Variants in ZNF804A observed in about 807,000 individuals in gnomAD.
The protein encoded by ZNF804A is zinc finger protein 804A.
In ZNF804A, 2 loss-of-function variants were observed where a neutral mutation model predicts 16.5. The ratio of observed to expected loss-of-function variants is 0.12; its 90% CI spans 0.05 to 0.38. ZNF804A has a LOEUF of 0.38. Ranked by LOEUF, ZNF804A falls within the 10% of genes least tolerant of loss-of-function variation. The probability of loss-of-function intolerance (pLI) is 0.99; values close to 1 mark genes in which losing one functional copy is unlikely to be tolerated. For synonymous variants in ZNF804A, 534 were observed against 489.6 expected (o/e 1.09, Z -1.20); for missense variants, 1,473 against 1,390.7 (o/e 1.06, Z -0.94).
chr2:184,660,329 G>GA (rs1234701938), intron 1 of ZNF804A, among the ~76,000 whole-genome samples: 2 of 152,080 alleles, frequency 1.3e-5, no homozygotes, highest in Admixed American at 1.3e-4. Flanking sequence ...TACTTTTAAA[G>GA]AAACTATGAA....
At chr2:184,691,197 C>T (rs557036709) in intron 1 of ZNF804A, among the ~76,000 whole-genome samples, 75 of 151,962 alleles carry the variant, frequency 4.9e-4, no homozygotes, top group African/African-American at 1.7e-3. Context: ...TTAGTATCTA[C>T]GGATTCATGT....
In ZNF804A at chr2:184,845,500, A is replaced by G. The variant is rs543635521; in HGVS notation, c.112-20869A>G. On this transcript the variant is annotated intron_variant, in intron 1 of 3. Transcript: ENST00000302277. ...CTTGAAGCCCTGAGCTCTGTTGACAATGTTGCCCACACTTCCCCAACTTGG... is the reference window on the plus strand; with the variant it reads ...CTTGAAGCCCTGAGCTCTGTTGACAGTGTTGCCCACACTTCCCCAACTTGG... 4.6e-5 allele frequency among the ~76,000 whole-genome samples: 7 copies of G among 152,190 alleles called. No individual in the cohort carries two copies. In the South Asian group the frequency reaches 1.2e-3, roughly 27 times the overall value.
chr2:184,665,585 A>C (rs1455157237), intron 1 of ZNF804A, among the ~76,000 whole-genome samples: 5 of 152,180 alleles, frequency 3.3e-5, no homozygotes, highest in African/African-American at 1.2e-4. Context: ...GAATAAGTGG[A>C]TTCTCTCTGT....
At position 184,738,367 on chromosome 2, in the gene ZNF804A, C is replaced by G. The variant is rs570393882; in HGVS notation, c.112-128002C>G. On this transcript the variant is annotated intron_variant, in intron 1 of 3. Transcript: ENST00000302277. ...TTGGGAAACTTAAAAAAAACATGGA[C>G]AATTAGAGTCTTAGAATGAATCTTT... 7.2e-5 allele frequency among the ~76,000 whole-genome samples: 11 copies of G among 152,108 alleles called. No individual in the cohort carries two copies. In the East Asian group the frequency reaches 2.1e-3, roughly 29 times the overall value.
At chr2:184,841,010 G>T (rs1309998380) in intron 1 of ZNF804A, among the ~76,000 whole-genome samples, 1 of 152,124 alleles carries the variant, frequency 6.6e-6, no homozygotes, top group African/African-American at 2.4e-5. Flanking sequence ...GAGTTTTTCA[G>T]ATTCATGAAG....
chr2:184,925,962 A>G (rs559911357), intron 2 of ZNF804A, among the ~76,000 whole-genome samples: 1 of 151,722 alleles, frequency 6.6e-6, no homozygotes, highest in Non-Finnish European at 1.5e-5. Flanking sequence ...TCTTATGTAT[A>G]TCTTTAAAAG....
intron 1 of ZNF804A, among the ~76,000 whole-genome samples, chr2:184,848,511 G>T (rs1695555848): frequency 6.6e-6 from 1 of 152,044 alleles, no homozygotes; most frequent in Non-Finnish European, 1.5e-5. Context: ...CTAGAAAAAT[G>T]ATAACAGAAG....
chr2:184,717,711 G>A (rs1184485758), intron 1 of ZNF804A, among the ~76,000 whole-genome samples: 2 of 152,150 alleles, frequency 1.3e-5, no homozygotes, highest in African/African-American at 4.8e-5. Context: ...ATTTGTGCAT[G>A]TTTATGGAGT....
At chr2:184,766,338 C>T (rs770561850) in intron 1 of ZNF804A, among the ~76,000 whole-genome samples, 5 of 151,986 alleles carry the variant, frequency 3.3e-5, no homozygotes, top group Admixed American at 6.6e-5. Context: ...TATATAGCAT[C>T]ATCACATCAC....
intron 1 of ZNF804A, among the ~76,000 whole-genome samples, chr2:184,727,045 A>C (rs1040382508): frequency 2.6e-5 from 4 of 151,664 alleles, no homozygotes; most frequent in African/African-American, 9.7e-5. Context: ...AACCTTATCT[A>C]TAAGCAAAAT....
chr2:184,817,082 A>G (rs1694994292), intron 1 of ZNF804A, among the ~76,000 whole-genome samples: 1 of 151,994 alleles, frequency 6.6e-6, no homozygotes, highest in Admixed American at 6.6e-5. Flanking sequence ...AAGCAAGAAG[A>G]CCAGTAAAAC....
In ZNF804A at chr2:184,598,877, C is replaced by T. The variant is rs1229130289; in HGVS notation, c.-83C>T. The T allele has an allele frequency of 9.6e-6, 8 of 829,848 alleles. No individual in the cohort carries two copies. The highest frequency in any genetic ancestry group is 3.1e-4 in the Middle Eastern group (1 of 3,184). The allele number at this position is 829,848 out of a possible 1,614,324, so 51.4% of individuals were successfully genotyped here. A position where few individuals can be genotyped will look rare whatever the true frequency, so the allele number is the denominator to read the frequency against. On this transcript the variant is annotated 5_prime_UTR_variant, in exon 1 of 4. Coordinates refer to ENST00000302277, the MANE Select transcript of ZNF804A (RefSeq NM_194250.2). ...CCCTCGTGGCGGGTTCCCAGCCCAC[C>T]GTCGCCGGCCCCGGCGCGCTGCGGC...
At chr2:184,687,091 T>C (rs1464124414) in intron 1 of ZNF804A, among the ~76,000 whole-genome samples, 1 of 152,220 alleles carries the variant, frequency 6.6e-6, no homozygotes, top group African/African-American at 2.4e-5. Flanking sequence ...AAAAAATTCT[T>C]TGCCAACGCC....
In ZNF804A at chr2:184,937,785, A is replaced by T. The variant is rs1419123204; in HGVS notation, c.2389A>T (p.Arg797Trp). ...RQNHLPEEFL[R>W]PPSTSVAPCK... The stretch of plus-strand genomic sequence containing the variant: ...GAATCATTTACCAGAAGAATTTTTG[A>T]GGCCACCAAGTACTTCAGTTGCTCC... The change falls in exon 4 of 4, where the codon AGG becomes TGG. Residue 797 changes from arginine (R) to tryptophan (W), a missense_variant. Physicochemically the swap from Arg to Trp is moderately radical, Grantham distance 101 (BLOSUM62 -3). Coordinates refer to ENST00000302277, the MANE Select transcript of ZNF804A (RefSeq NM_194250.2). The T allele has an allele frequency of 6.2e-7, 1 of 1,614,014 alleles. No individual in the cohort carries two copies. The highest frequency in any genetic ancestry group is 1.7e-5 in the Admixed American group (1 of 59,966).
intron 2 of ZNF804A, among the ~76,000 whole-genome samples, chr2:184,886,918 T>C (rs1273583477): frequency 6.6e-6 from 1 of 152,238 alleles, no homozygotes; most frequent in Non-Finnish European, 1.5e-5. Context: ...ATTTTCCCCA[T>C]GGTTTTTGGG....
chr2:184,612,667 T>A (rs904207389), intron 1 of ZNF804A, among the ~76,000 whole-genome samples: 1 of 152,126 alleles, frequency 6.6e-6, no homozygotes, highest in Admixed American at 6.6e-5. Context: ...ACTTCTTACC[T>A]CAGGTGATCT....
intron 2 of ZNF804A, among the ~76,000 whole-genome samples, chr2:184,898,262 T>G (rs977789039): frequency 8.5e-5 from 13 of 152,134 alleles, no homozygotes; most frequent in Admixed American, 1.3e-4. Context: ...TGAGTTATAT[T>G]CTCATACTTT....
At chr2:184,920,939 C>A (rs1685519972) in intron 2 of ZNF804A, among the ~76,000 whole-genome samples, 1 of 152,074 alleles carries the variant, frequency 6.6e-6, no homozygotes, top group African/African-American at 2.4e-5. Flanking sequence ...GTATGCAGAC[C>A]ATGGAATAAA....
chr2:184,667,122 G>T (rs902115859), intron 1 of ZNF804A, among the ~76,000 whole-genome samples: 2 of 151,960 alleles, frequency 1.3e-5, no homozygotes, highest in African/African-American at 4.8e-5. Context: ...ACTTAAAAGA[G>T]TTTGACTATA....
Sources: allele counts gnomAD v4.1 joint callset (sites outside exome capture counted in the v4.1 genomes callset), GRCh38; gene constraint gnomAD v4.1.1; transcripts MANE v1.5; gene names NCBI Gene and HGNC (gene_info 2026-07-23, HGNC 2026-07-21).